ROR1: variants seen among roughly 807,000 people sequenced by gnomAD.
ROR1 encodes ROR family WNT receptor 1.
In ROR1, 19 loss-of-function variants were observed where a neutral mutation model predicts 78.8. The ratio of observed to expected loss-of-function variants is 0.24; its 90% CI spans 0.17 to 0.35. The LOEUF is 0.35. ROR1 is among the 10% of genes least tolerant of loss of function. The pLI, the probability that ROR1 is intolerant of heterozygous loss-of-function variation, is 1.00. For synonymous variants in ROR1, 386 were observed against 433.6 expected (o/e 0.89, Z 1.36); for missense variants, 917 against 1,177.8 (o/e 0.78, Z 3.24).
At chr1:63,970,315 T>C (rs1489030652) in intron 1 of ROR1, among the ~76,000 whole-genome samples, 2 of 152,176 alleles carry the variant, frequency 1.3e-5, no homozygotes, top group Non-Finnish European at 2.9e-5. Flanking sequence ...GCCACCACTT[T>C]TTGTGTTTCT....
chr1:63,865,089 C>G (rs1645206893), intron 1 of ROR1, among the ~76,000 whole-genome samples: 1 of 152,092 alleles, frequency 6.6e-6, no homozygotes, highest in Non-Finnish European at 1.5e-5. Flanking sequence ...GAAACACAAA[C>G]ATACATATAC....
At chr1:63,904,412 G>A (rs1035113545) in intron 1 of ROR1, among the ~76,000 whole-genome samples, 4 of 152,146 alleles carry the variant, frequency 2.6e-5, no homozygotes, top group African/African-American at 4.8e-5. Context: ...ATTTCCCCAG[G>A]ATGTAAGGTG....
chr1:64,039,627 G>A (rs923608695), intron 2 of ROR1, among the ~76,000 whole-genome samples: 4 of 152,206 alleles, frequency 2.6e-5, no homozygotes, highest in African/African-American at 7.2e-5. Context: ...GCATGACATA[G>A]AAGCAGCCAA....
At chr1:64,018,948 A>G (rs2100554298) in intron 2 of ROR1, among the ~76,000 whole-genome samples, 1 of 152,292 alleles carries the variant, frequency 6.6e-6, no homozygotes, top group East Asian at 1.9e-4. Flanking sequence ...GGTGACTCTG[A>G]TGCCCACTAA....
At chr1:64,089,066 G>T (rs77306313) in intron 4 of ROR1, among the ~76,000 whole-genome samples, 9,719 of 151,754 alleles carry the variant, frequency 0.064, 455 homozygotes, top group South Asian at 0.14. Flanking sequence ...ACTTTTATTG[G>T]TATTTTAGGA....
intron 2 of ROR1, among the ~76,000 whole-genome samples, chr1:64,029,892 C>G (rs1646645685): frequency 6.6e-6 from 1 of 152,162 alleles, no homozygotes; most frequent in African/African-American, 2.4e-5. Context: ...TTTGCTTATG[C>G]TGTTTTCCCA....
chr1:63,843,129 C>A, intron 1 of ROR1: 2 of 728,672 alleles, frequency 2.7e-6, no homozygotes, highest in South Asian at 1.6e-5. Context: ...AGGGGACGGC[C>A]TGCAACCCCC....
Position 64,177,828 on chromosome 1 carries a change from C to T in ROR1, c.1787C>T (p.Ala596Val), listed in dbSNP as rs1650428786. ...GACCACGGAGATTTTCTGCACATTGCAATTCAGATTGCAGCTGGCATGGAA... is the reference window on the plus strand; with the variant it reads ...GACCACGGAGATTTTCTGCACATTGTAATTCAGATTGCAGCTGGCATGGAA... The part of the protein sequence containing the change: ...SLDHGDFLHI[A>V]IQIAAGMEYL... Residue 596 changes from alanine (A) to valine (V), a missense_variant, in exon 9 of 9, where the codon GCA becomes GTA. Coordinates refer to ENST00000371079, the MANE Select transcript of ROR1 (RefSeq NM_005012.4). The T allele has an allele frequency of 1.2e-6, 2 of 1,614,058 alleles. No homozygotes were observed. The highest frequency in any genetic ancestry group is 2.7e-5 in the African/African-American group (2 of 74,926).
At chr1:63,828,407 A>C (rs529655961) in intron 1 of ROR1, among the ~76,000 whole-genome samples, 1 of 152,318 alleles carries the variant, frequency 6.6e-6, no homozygotes, top group South Asian at 2.1e-4. Context: ...TTTGATCAGA[A>C]AGCCACAGTT....
intron 2 of ROR1, among the ~76,000 whole-genome samples, chr1:64,015,712 C>T (rs1403869669): frequency 6.6e-6 from 1 of 152,084 alleles, no homozygotes. Flanking sequence ...AGCTGATGAA[C>T]AGTCTTCCTA....
intron 4 of ROR1, among the ~76,000 whole-genome samples, chr1:64,090,923 A>G (rs1342635456): frequency 6.6e-6 from 1 of 152,160 alleles, no homozygotes; most frequent in Non-Finnish European, 1.5e-5. Flanking sequence ...GCCTATTGTC[A>G]TCATGGACAT....
At chr1:64,004,188 G>T (rs1208409547) in intron 1 of ROR1, among the ~76,000 whole-genome samples, 1 of 152,218 alleles carries the variant, frequency 6.6e-6, no homozygotes, top group Non-Finnish European at 1.5e-5. Flanking sequence ...CCTACCAGGG[G>T]CCTCACTTGC....
intron 4 of ROR1, among the ~76,000 whole-genome samples, chr1:64,127,919 A>G (rs935252416): frequency 1.3e-5 from 2 of 152,144 alleles, no homozygotes; most frequent in Non-Finnish European, 2.9e-5. Flanking sequence ...AGCCTCAGCA[A>G]TCACACAGAT....
At chr1:64,091,225 C>A (rs6683962) in intron 4 of ROR1, among the ~76,000 whole-genome samples, 2 of 151,870 alleles carry the variant, frequency 1.3e-5, no homozygotes, top group African/African-American at 2.4e-5. Flanking sequence ...TCCTCCATAC[C>A]CCGGCCAGTC....
intron 1 of ROR1, among the ~76,000 whole-genome samples, chr1:63,956,394 G>A (rs1006159215): frequency 6.6e-6 from 1 of 152,196 alleles, no homozygotes; most frequent in East Asian, 1.9e-4. Context: ...GGCCCCAAGA[G>A]CAACAATCCC....
intron 4 of ROR1, among the ~76,000 whole-genome samples, chr1:64,072,396 T>A (rs1327948759): frequency 6.6e-6 from 1 of 152,066 alleles, no homozygotes; most frequent in Non-Finnish European, 1.5e-5. Flanking sequence ...CCAAATAAGC[T>A]CTATCAGTTC....
At chr1:63,944,020 G>C (rs1364173868) in intron 1 of ROR1, among the ~76,000 whole-genome samples, 1 of 152,108 alleles carries the variant, frequency 6.6e-6, no homozygotes, top group Non-Finnish European at 1.5e-5. Context: ...GAAATTTAGA[G>C]ATTATATTGA....
chr1:63,797,380 C>G (rs1273301551), intron 1 of ROR1, among the ~76,000 whole-genome samples: 1 of 152,188 alleles, frequency 6.6e-6, no homozygotes, highest in African/African-American at 2.4e-5. Context: ...TGGTTTGTCT[C>G]TCTGGTGCTC....
At chr1:63,977,154 A>G (rs1330356624) in intron 1 of ROR1, among the ~76,000 whole-genome samples, 1 of 152,192 alleles carries the variant, frequency 6.6e-6, no homozygotes, top group East Asian at 1.9e-4. Context: ...ATTGCCCCCC[A>G]TGATTCATTT....
Sources: allele counts gnomAD v4.1 joint callset (sites outside exome capture counted in the v4.1 genomes callset), GRCh38; gene constraint gnomAD v4.1.1; transcripts MANE v1.5; gene names NCBI Gene and HGNC (gene_info 2026-07-23, HGNC 2026-07-21).